Variants in FAM153A observed in about 807,000 individuals in gnomAD.
FAM153A encodes family with sequence similarity 153 member A.
A neutral mutation model predicts 48.1 loss-of-function variants in FAM153A; 12 were observed. That is an observed-to-expected ratio of 0.25 (90% CI 0.16 to 0.40). FAM153A has a LOEUF of 0.40. Among genes scored for constraint, FAM153A ranks in the 10% least tolerant of loss-of-function variants. FAM153A has a pLI of 1.00. For synonymous variants in FAM153A, 36 were observed against 118.2 expected, an observed-to-expected ratio of 0.30 and a Z score of 4.51; for missense variants, 111 against 345.8, an observed-to-expected ratio of 0.32 and a Z score of 5.38.
chr5:177,769,251 G>T (rs1768974439), intron 1 of FAM153A, among the ~76,000 whole-genome samples: 1 of 85,982 alleles, frequency 1.2e-5, no homozygotes, highest in Non-Finnish European at 2.3e-5. Flanking sequence ...AAAAAAAAAA[G>T]GGTGAGAACC....
chr5:177,709,476 C>T (rs1758197134), downstream of FAM153A, among the ~76,000 whole-genome samples: 1 of 149,966 alleles, frequency 6.7e-6, no homozygotes, highest in South Asian at 2.1e-4. Flanking sequence ...ATTCTCCTGC[C>T]TCAGCCTCCC....
chr5:177,730,671 C>T (rs1385494896), intron 16 of FAM153A, among the ~76,000 whole-genome samples: 1,143 of 137,900 alleles, frequency 8.3e-3, no homozygotes, highest in African/African-American at 0.026. Flanking sequence ...TAGGAAGAAA[C>T]TATACAAGGG....
At chr5:177,767,818 C>G (rs977877263) in intron 1 of FAM153A, among the ~76,000 whole-genome samples, 3 of 89,992 alleles carry the variant, frequency 3.3e-5, no homozygotes, top group Non-Finnish European at 4.5e-5. Flanking sequence ...ACCTGTTTTT[C>G]TCTGCTGTCA....
chr5:177,716,178 T>G (rs533942675), intron 25 of FAM153A, among the ~76,000 whole-genome samples: 2 of 151,478 alleles, frequency 1.3e-5, no homozygotes, highest in African/African-American at 4.9e-5. Flanking sequence ...GAGATGGGGT[T>G]TCACCATGTT....
At chr5:177,700,605 C>T in the FAM153A span, among the ~76,000 whole-genome samples, 22 of 151,874 alleles carry the variant, frequency 1.4e-4, no homozygotes, top group Admixed American at 6.6e-4. Flanking sequence ...AGGTCAAGAC[C>T]AGCCTGGCCA....
chr5:177,783,218 T>A (rs186642627), upstream of FAM153A: 48 of 108,522 alleles, frequency 4.4e-4, 2 homozygotes, highest in East Asian at 0.011. Flanking sequence ...GTTGCAGCTC[T>A]GGCACTGGCG....
chr5:177,754,817 C>T (rs1767528715), upstream of FAM153A, among the ~76,000 whole-genome samples: 1 of 151,840 alleles, frequency 6.6e-6, no homozygotes, highest in Admixed American at 6.6e-5. Flanking sequence ...GAAAGGACAT[C>T]CACACCAAAA....
upstream of FAM153A, among the ~76,000 whole-genome samples, chr5:177,757,750 A>G (rs1400991993): frequency 1.3e-5 from 2 of 151,458 alleles, no homozygotes; most frequent in Admixed American, 6.6e-5. Context: ...CAATAGATGC[A>G]GAAAAGGCCT....
At chr5:177,709,613 G>A (rs1422570592), downstream of FAM153A, among the ~76,000 whole-genome samples, 14 of 147,326 alleles carry the variant, frequency 9.5e-5, no homozygotes, top group African/African-American at 2.3e-4. Context: ...CACCCGCCTC[G>A]GCCTCCCAAA....
At chr5:177,697,518 T>G in the FAM153A span, among the ~76,000 whole-genome samples, 1 of 151,758 alleles carries the variant, frequency 6.6e-6, no homozygotes, top group African/African-American at 2.4e-5. Flanking sequence ...CTCCTTGTCC[T>G]GCTTTTCAGC....
At chr5:177,709,327 A>G (rs1440736913), downstream of FAM153A, among the ~76,000 whole-genome samples, 2 of 148,596 alleles carry the variant, frequency 1.3e-5, no homozygotes. Context: ...ATTGACAGGA[A>G]AAACGAGATA....
upstream of FAM153A, among the ~76,000 whole-genome samples, chr5:177,758,003 G>C (rs1442990224): frequency 9.2e-5 from 14 of 151,848 alleles, no homozygotes; most frequent in African/African-American, 1.7e-4. Context: ...GGAAATAAAG[G>C]GTATTCAATT....
upstream of FAM153A, among the ~76,000 whole-genome samples, chr5:177,753,584 G>C (rs549308921): frequency 5.0e-4 from 75 of 150,578 alleles, no homozygotes; most frequent in East Asian, 4.7e-3. Flanking sequence ...GAGATTCCAG[G>C]CTTGATGTGA....
chr5:177,758,054 A>G (rs1206048123), upstream of FAM153A, among the ~76,000 whole-genome samples: 24 of 150,702 alleles, frequency 1.6e-4, no homozygotes, highest in Non-Finnish European at 1.0e-4. Context: ...TGCAAATGAC[A>G]TGATTGTATA....
the FAM153A span, among the ~76,000 whole-genome samples, chr5:177,698,382 A>G: frequency 3.6e-4 from 55 of 152,054 alleles, 1 homozygote; most frequent in African/African-American, 1.1e-3. Context: ...GTTCTGCATA[A>G]TGGCAGACAA....
downstream of FAM153A, among the ~76,000 whole-genome samples, chr5:177,704,923 C>T: frequency 6.6e-6 from 1 of 151,282 alleles, no homozygotes; most frequent in Non-Finnish European, 1.5e-5. Flanking sequence ...GTTGCTTGAA[C>T]CCGGGAGGTG....
intron 1 of FAM153A, among the ~76,000 whole-genome samples, chr5:177,761,165 C>T (rs1362954142): frequency 2.0e-5 from 3 of 151,112 alleles, no homozygotes; most frequent in Non-Finnish European, 4.4e-5. Flanking sequence ...TCCACACCCA[C>T]TCAGCCCAGC....
intron 1 of FAM153A, among the ~76,000 whole-genome samples, chr5:177,761,028 G>A (rs1342446974): frequency 2.0e-5 from 3 of 151,796 alleles, no homozygotes; most frequent in Admixed American, 6.6e-5. Context: ...GGGGACTGCA[G>A]AGAAGTCTTA....
At chr5:177,696,928 T>C in the FAM153A span, among the ~76,000 whole-genome samples, 1 of 151,782 alleles carries the variant, frequency 6.6e-6, no homozygotes, top group Non-Finnish European at 1.5e-5. Flanking sequence ...CTATTCTAGG[T>C]TATTTGTATT....
Sources: allele counts gnomAD v4.1 joint callset (sites outside exome capture counted in the v4.1 genomes callset), GRCh38; gene constraint gnomAD v4.1.1; transcripts MANE v1.5; gene names NCBI Gene and HGNC (gene_info 2026-07-23, HGNC 2026-07-21).